Variants in FRMD4A observed in about 807,000 individuals in gnomAD.
FRMD4A encodes FERM domain containing 4A.
In FRMD4A, 29 loss-of-function variants were observed where a neutral mutation model predicts 129.1. The ratio of observed to expected loss-of-function variants is 0.22; its 90% CI spans 0.17 to 0.31. The LOEUF (loss-of-function observed/expected upper bound fraction) is 0.31, where lower values mean the gene tolerates loss of function less well. Among genes scored for constraint, FRMD4A ranks in the 10% least tolerant of loss-of-function variants. FRMD4A has a pLI of 1.00. For synonymous variants in FRMD4A, 634 were observed against 571.6 expected, an observed-to-expected ratio of 1.11 and a Z score of -1.56; for missense variants, 1,272 against 1,375.8, an observed-to-expected ratio of 0.92 and a Z score of 1.19.
chr10:14,258,554 C>T (rs553065564), intron 2 of FRMD4A, among the ~76,000 whole-genome samples: 7 of 152,236 alleles, frequency 4.6e-5, no homozygotes, highest in South Asian at 2.1e-4. Context: ...TCATACCTAG[C>T]GTTGGTGATT....
At chr10:13,894,250 T>C (rs1241731556) in intron 2 of FRMD4A, among the ~76,000 whole-genome samples, 1 of 152,144 alleles carries the variant, frequency 6.6e-6, no homozygotes, top group Non-Finnish European at 1.5e-5. Context: ...TCAGATGCAT[T>C]CTCCACTCCA....
chr10:14,022,691 G>A (rs543867262), intron 2 of FRMD4A, among the ~76,000 whole-genome samples: 1 of 152,038 alleles, frequency 6.6e-6, no homozygotes, highest in African/African-American at 2.4e-5. Flanking sequence ...GGATGAGAAG[G>A]TGAGTTCAAG....
At chr10:14,142,949 G>A (rs1839907890) in intron 2 of FRMD4A, among the ~76,000 whole-genome samples, 1 of 151,828 alleles carries the variant, frequency 6.6e-6, no homozygotes, top group Non-Finnish European at 1.5e-5. Flanking sequence ...ACAGTGAGAT[G>A]CCACCTCACC....
At chr10:13,975,427 G>T (rs559148714) in intron 2 of FRMD4A, among the ~76,000 whole-genome samples, 3 of 151,762 alleles carry the variant, frequency 2.0e-5, no homozygotes, top group African/African-American at 7.3e-5. Context: ...GTGTCTGTGC[G>T]TATGTGTGTC....
At chr10:13,838,544 G>C (rs892124414) in intron 3 of FRMD4A, among the ~76,000 whole-genome samples, 11 of 151,820 alleles carry the variant, frequency 7.2e-5, no homozygotes, top group African/African-American at 2.4e-4. Context: ...CCAGGCTGGA[G>C]TGTAGTGGCA....
chr10:13,697,245 C>T (rs1265523336), intron 14 of FRMD4A, among the ~76,000 whole-genome samples: 1 of 151,232 alleles, frequency 6.6e-6, no homozygotes, highest in Non-Finnish European at 1.5e-5. Flanking sequence ...CAACCTCTGC[C>T]TCCTGGGTTC....
At chr10:14,064,659 C>T (rs1834971544) in intron 2 of FRMD4A, among the ~76,000 whole-genome samples, 1 of 152,110 alleles carries the variant, frequency 6.6e-6, no homozygotes, top group Non-Finnish European at 1.5e-5. Flanking sequence ...CTCACTGCAA[C>T]CTCTGCCTCC....
intron 2 of FRMD4A, among the ~76,000 whole-genome samples, chr10:14,157,495 C>T (rs1409640179): frequency 4.6e-5 from 7 of 152,128 alleles, no homozygotes; most frequent in African/African-American, 9.7e-5. Flanking sequence ...TTTGAGTCTT[C>T]GTTTTAGAAT....
chr10:14,293,383 GC>G (rs1845909115), intron 2 of FRMD4A, among the ~76,000 whole-genome samples: 3 of 152,224 alleles, frequency 2.0e-5, no homozygotes, highest in South Asian at 4.2e-4. Context: ...AGAACTGTGA[GC>G]CAAATAAATT....
intron 13 of FRMD4A, 120 bp from the exon 14 acceptor site, chr10:13,701,598 T>C: frequency 1.2e-6 from 1 of 836,580 alleles, no homozygotes; most frequent in South Asian, 1.6e-5. Flanking sequence ...AGATGATAGA[T>C]GAGCTCTCAC....
At chr10:14,054,646 C>T (rs1223457311) in intron 2 of FRMD4A, among the ~76,000 whole-genome samples, 1 of 152,178 alleles carries the variant, frequency 6.6e-6, no homozygotes, top group African/African-American at 2.4e-5. Context: ...CTCCCTGTGA[C>T]TCATTGTCAG....
chr10:14,017,594 G>A (rs551288710), intron 2 of FRMD4A, among the ~76,000 whole-genome samples: 137 of 152,258 alleles, frequency 9.0e-4, no homozygotes, highest in African/African-American at 2.9e-3. Flanking sequence ...CCTTTTCCAG[G>A]AGGAGAAATT....
intron 2 of FRMD4A, among the ~76,000 whole-genome samples, chr10:14,235,477 CT>C (rs1843780596): frequency 6.6e-6 from 1 of 152,134 alleles, no homozygotes; most frequent in African/African-American, 2.4e-5. Context: ...ACACACTCCC[CT>C]CTGCACTGCT....
chr10:13,666,228 T>G lies in FRMD4A; in HGVS notation c.1472A>C (p.Lys491Thr). ...RLASDPNVSK[K>T]LKKQRKTSYL... ...CGAGGTTTTCCTTTGTTTCTTCAGTTTTTTGCTGACGTTGGGGTCACTGGC... is the reference window on the plus strand; with the variant it reads ...CGAGGTTTTCCTTTGTTTCTTCAGTGTTTTGCTGACGTTGGGGTCACTGGC... The change falls in exon 18 of 25, where the codon AAA becomes ACA. Residue 491 changes from lysine to threonine, a missense_variant. Transcript: ENST00000357447. 1 of 1,614,090 alleles carries G rather than the reference T, an allele frequency of 6.2e-7. No individual in the cohort carries two copies. Among genetic ancestry groups the G allele is most frequent in the Non-Finnish European group, 8.5e-7 (1 of 1,179,936 alleles).
intron 2 of FRMD4A, among the ~76,000 whole-genome samples, chr10:14,291,993 C>A (rs1845863301): frequency 6.6e-6 from 1 of 151,972 alleles, no homozygotes; most frequent in African/African-American, 2.4e-5. Flanking sequence ...AGGAATAAAT[C>A]TAAGTACATA....
chr10:13,698,838 C>A (rs933701257), intron 14 of FRMD4A, among the ~76,000 whole-genome samples: 1 of 152,204 alleles, frequency 6.6e-6, no homozygotes, highest in South Asian at 2.1e-4. Context: ...GGCTGGGGAA[C>A]TGGTTCCTGT....
intron 2 of FRMD4A, among the ~76,000 whole-genome samples, chr10:14,089,189 A>G (rs1836485163): frequency 6.6e-6 from 1 of 152,124 alleles, no homozygotes; most frequent in South Asian, 2.1e-4. Flanking sequence ...ATGTTACCAA[A>G]GCCTCCTTCT....
At position 14,021,469 on chromosome 10, in the gene FRMD4A, A is replaced by C. The variant is rs1224033095; in HGVS notation, c.46-162557T>G. Among the ~76,000 whole-genome samples, 5 of 152,132 alleles carry C rather than the reference A, an allele frequency of 3.3e-5. No individual in the cohort carries two copies. The East Asian group carries it at 9.7e-4, about 29-fold the overall frequency. ...CTACTTGGGAGGCTGAGGTGGGAGG[A>C]TTGTTTGAGCCCAGGAGGTCGAGGC... On this transcript the variant is annotated intron_variant, in intron 2 of 24. Transcript: ENST00000357447.
chr10:14,160,936 T>G (rs939563020), intron 2 of FRMD4A, among the ~76,000 whole-genome samples: 1 of 152,118 alleles, frequency 6.6e-6, no homozygotes, highest in Non-Finnish European at 1.5e-5. Flanking sequence ...GTACAGCCAT[T>G]ATGGAAAACT....
Sources: gnomAD v4.1 joint callset for allele counts (sites outside exome capture counted in the v4.1 genomes callset) on GRCh38, gnomAD v4.1.1 for gene constraint, MANE v1.5 for transcripts, NCBI Gene and HGNC (gene_info 2026-07-23, HGNC 2026-07-21) for gene names.